The following PLEKHA5 variants were observed in gnomAD, a reference collection of about 807,000 sequenced individuals.
PLEKHA5 encodes the protein pleckstrin homology domain containing A5.
In PLEKHA5, 55 loss-of-function variants were observed where a neutral mutation model predicts 181.9. That is an observed-to-expected ratio of 0.30 (90% CI 0.24 to 0.38). The LOEUF (loss-of-function observed/expected upper bound fraction) is 0.38. Among genes scored for constraint, PLEKHA5 ranks in the 10% least tolerant of loss-of-function variants. PLEKHA5 has a pLI of 1.00. For missense variants in PLEKHA5, 1,432 were observed against 1,549.5 expected, an observed-to-expected ratio of 0.92 and a Z score of 1.27; for synonymous variants, 535 against 529.4, an observed-to-expected ratio of 1.01 and a Z score of -0.15.
chr12:19,220,315 C>T (rs570582202), intron 3 of PLEKHA5, among the ~76,000 whole-genome samples: 19 of 151,804 alleles, frequency 1.3e-4, no homozygotes, highest in African/African-American at 4.4e-4. Context: ...AGTTGTTAGC[C>T]ACATTTCCAG....
At chr12:19,205,844 A>C (rs570131536) in intron 3 of PLEKHA5, among the ~76,000 whole-genome samples, 1 of 152,264 alleles carries the variant, frequency 6.6e-6, no homozygotes, top group South Asian at 2.1e-4. Flanking sequence ...TATCTACCAA[A>C]GTAATAGGTA....
intron 3 of PLEKHA5, among the ~76,000 whole-genome samples, chr12:19,239,780 C>T (rs1268845253): frequency 2.0e-5 from 3 of 152,170 alleles, no homozygotes; most frequent in African/African-American, 7.2e-5. Context: ...GCTGATTCCA[C>T]CAGGCTCAAT....
chr12:19,181,858 G>C (rs2048678400), intron 3 of PLEKHA5, among the ~76,000 whole-genome samples: 1 of 152,156 alleles, frequency 6.6e-6, no homozygotes, highest in South Asian at 2.1e-4. Context: ...GGATGTTTTT[G>C]CTGATTGGGA....
intron 15 of PLEKHA5, among the ~76,000 whole-genome samples, chr12:19,308,265 G>C (rs557404849): frequency 6.6e-6 from 1 of 152,246 alleles, no homozygotes; most frequent in South Asian, 2.1e-4. Context: ...TGGGAATCCA[G>C]CTGTATACAT....
At chr12:19,201,207 A>G (rs1301265799) in intron 3 of PLEKHA5, 1 of 152,130 alleles carries the variant, frequency 6.6e-6, no homozygotes, top group Non-Finnish European at 1.5e-5. Context: ...AATATATTTC[A>G]CATGAGAATA....
intron 3 of PLEKHA5, among the ~76,000 whole-genome samples, chr12:19,243,603 A>T (rs2063093515): frequency 1.3e-5 from 2 of 152,192 alleles, no homozygotes; most frequent in Non-Finnish European, 2.9e-5. Context: ...GAGGAGAAAG[A>T]ATAGAAATTA....
intron 20 of PLEKHA5, among the ~76,000 whole-genome samples, chr12:19,333,609 TC>T (rs1490821221): frequency 7.0e-5 from 4 of 56,920 alleles, no homozygotes; most frequent in Non-Finnish European, 1.5e-4. Flanking sequence ...TCATTCATTC[TC>T]TTTTTTTTTT....
At chr12:19,259,869 A>G (rs1490530446) in intron 6 of PLEKHA5, among the ~76,000 whole-genome samples, 39 of 150,376 alleles carry the variant, frequency 2.6e-4, no homozygotes, top group Non-Finnish European at 2.9e-5. Flanking sequence ...GATTTTACCC[A>G]TGTTAATTTC....
intron 31 of PLEKHA5, chr12:19,372,563 G>C (rs2095610483): frequency 6.6e-6 from 1 of 151,146 alleles, no homozygotes. Context: ...CTTTTTTTCA[G>C]CCCAAAGTAT....
rs142516447 is a variant in PLEKHA5, at chr12:19,252,892, A to G, written c.228-1048A>G. 2.0e-5 allele frequency among the ~76,000 whole-genome samples: 3 copies of G among 151,712 alleles called. No individual in the cohort carries two copies. In the East Asian group the frequency reaches 5.8e-4, roughly 30 times the overall value. ...AGTAGTACTGTTAGGTTTTCTTTCC[A>G]TTTATGAATTTGGCATTAGTACTCT... On this transcript the variant is annotated intron_variant, in intron 3 of 31. Coordinates refer to ENST00000429027, the MANE Select transcript of PLEKHA5 (RefSeq NM_001256470.2).
chr12:19,273,020 C>A (rs2073447606), intron 10 of PLEKHA5, among the ~76,000 whole-genome samples: 1 of 152,124 alleles, frequency 6.6e-6, no homozygotes, highest in South Asian at 2.1e-4. Context: ...AATTCTCCTG[C>A]CTCAGCCTCC....
intron 12 of PLEKHA5, among the ~76,000 whole-genome samples, chr12:19,284,479 A>T (rs1368869420): frequency 6.6e-6 from 1 of 152,206 alleles, no homozygotes; most frequent in African/African-American, 2.4e-5. Context: ...TCATGAGGAT[A>T]AAAGTGTTAA....
chr12:19,355,498 C>T (rs2638439), intron 26 of PLEKHA5, among the ~76,000 whole-genome samples: 138,953 of 151,902 alleles, frequency 0.91, 64,377 homozygotes, highest in Non-Finnish European at 1. Context: ...ACAATAAGCA[C>T]GTACCACCAT....
chr12:19,286,989 C>T (rs2077357976), intron 12 of PLEKHA5, among the ~76,000 whole-genome samples: 1 of 148,220 alleles, frequency 6.7e-6, no homozygotes, highest in African/African-American at 2.5e-5. Flanking sequence ...AAAAGAATTA[C>T]TCTGCTCATC....
intron 20 of PLEKHA5, among the ~76,000 whole-genome samples, chr12:19,327,372 T>TTTTATA: frequency 6.6e-6 from 1 of 151,938 alleles, no homozygotes; most frequent in Admixed American, 6.6e-5. Context: ...TATATGCTTA[T>TTTTATA]TGGCCACTTG....
chr12:19,294,761 CAAAT>C (rs1249538121), intron 15 of PLEKHA5, among the ~76,000 whole-genome samples: 1 of 152,012 alleles, frequency 6.6e-6, no homozygotes, highest in Non-Finnish European at 1.5e-5. Context: ...TGTTTAATAA[CAAAT>C]AAAAAATAAA....
At chr12:19,319,107 G>C (rs986173246) in intron 16 of PLEKHA5, among the ~76,000 whole-genome samples, 2 of 151,752 alleles carry the variant, frequency 1.3e-5, no homozygotes, top group Admixed American at 6.6e-5. Context: ...TTATTTTCTT[G>C]GATCTAGGTG....
At chr12:19,155,494 G>A (rs2041470548) in intron 3 of PLEKHA5, among the ~76,000 whole-genome samples, 1 of 152,090 alleles carries the variant, frequency 6.6e-6, no homozygotes, top group South Asian at 2.1e-4. Context: ...TGCAGTTTGA[G>A]GACCTGTGAA....
At chr12:19,356,778 G>T (rs920040379) in intron 26 of PLEKHA5, among the ~76,000 whole-genome samples, 4 of 145,118 alleles carry the variant, frequency 2.8e-5, no homozygotes, top group African/African-American at 1.0e-4. Context: ...CTCCTGCCTC[G>T]GCCTCCCGAG....
Sources: allele counts gnomAD v4.1 joint callset (sites outside exome capture counted in the v4.1 genomes callset), GRCh38; gene constraint gnomAD v4.1.1; transcripts MANE v1.5; gene names NCBI Gene and HGNC (gene_info 2026-07-23, HGNC 2026-07-21).